Variants in TNIK observed in about 807,000 individuals in gnomAD.
TNIK encodes the protein TRAF2 and NCK interacting kinase.
In TNIK, 49 loss-of-function variants were observed where a neutral mutation model predicts 191.3. The ratio of observed to expected loss-of-function variants is 0.26; its 90% CI spans 0.20 to 0.32. The LOEUF (loss-of-function observed/expected upper bound fraction) is 0.32, where lower values mean the gene tolerates loss of function less well. TNIK is among the 10% of genes least tolerant of loss of function. The pLI, the probability that TNIK is intolerant of heterozygous loss-of-function variation, is 1.00. For missense variants in TNIK, 1,155 were observed against 1,702.3 expected, an observed-to-expected ratio of 0.68 and a Z score of 5.66; for synonymous variants, 594 against 600.9, an observed-to-expected ratio of 0.99 and a Z score of 0.17.
intron 2 of TNIK, among the ~76,000 whole-genome samples, chr3:171,363,020 G>C (rs534500665): frequency 1.3e-5 from 2 of 152,270 alleles, no homozygotes; most frequent in Admixed American, 1.3e-4. Flanking sequence ...TAAGAGTTTT[G>C]CCATTCTGTG....
At chr3:171,354,470 GAC>G (rs753353756) in intron 2 of TNIK, among the ~76,000 whole-genome samples, 10 of 152,142 alleles carry the variant, frequency 6.6e-5, no homozygotes, top group Non-Finnish European at 1.3e-4. Flanking sequence ...GGACTCGGCT[GAC>G]ACAAGACTAA....
intron 2 of TNIK, among the ~76,000 whole-genome samples, chr3:171,228,665 C>T (rs1487563501): frequency 6.6e-6 from 1 of 152,150 alleles, no homozygotes; most frequent in African/African-American, 2.4e-5. Flanking sequence ...CTATAATTCA[C>T]CTGAGATTGT....
At chr3:171,157,750 A>G (rs1318346049) in intron 11 of TNIK, 86 bp from the exon 12 acceptor site, 2 of 1,330,574 alleles carry the variant, frequency 1.5e-6, no homozygotes, top group East Asian at 2.5e-5. Flanking sequence ...AGCGGGACAA[A>G]TGATTCACCC....
chr3:171,201,011 T>C lies in TNIK; in HGVS notation c.307-6376A>G, dbSNP rs1739335786. Reference sequence around the variant, plus strand: ...TTCTCTTTTATGGTAAAAGGAGGGGTTGGAGGCAGGGGGCAGGAAGAGGTG... The same window carrying C: ...TTCTCTTTTATGGTAAAAGGAGGGGCTGGAGGCAGGGGGCAGGAAGAGGTG... On this transcript the variant is annotated intron_variant, in intron 4 of 32. Coordinates refer to ENST00000436636, the MANE Select transcript of TNIK (RefSeq NM_015028.4). 2.0e-5 allele frequency among the ~76,000 whole-genome samples: 3 copies of C among 151,526 alleles called. No individual in the cohort carries two copies. In the South Asian group the frequency reaches 6.3e-4, roughly 32 times the overall value.
chr3:171,165,817 G>A (rs949388000), intron 10 of TNIK, among the ~76,000 whole-genome samples: 2 of 152,034 alleles, frequency 1.3e-5, no homozygotes, highest in African/African-American at 4.8e-5. Flanking sequence ...GCCTTTCACT[G>A]CTATCCTCCC....
intron 1 of TNIK, among the ~76,000 whole-genome samples, chr3:171,388,114 A>C (rs1247615363): frequency 1.3e-5 from 2 of 152,278 alleles, no homozygotes; most frequent in East Asian, 3.9e-4. Flanking sequence ...GCCTGTATGT[A>C]TTTTGGTGAT....
intron 1 of TNIK, among the ~76,000 whole-genome samples, chr3:171,453,435 T>TG (rs1577991443): frequency 6.6e-6 from 1 of 151,882 alleles, no homozygotes; most frequent in East Asian, 1.9e-4. Context: ...AGAGCATCCA[T>TG]GGGGGAATGA....
chr3:171,264,809 G>T (rs1241542156), intron 2 of TNIK, among the ~76,000 whole-genome samples: 1 of 152,206 alleles, frequency 6.6e-6, no homozygotes, highest in African/African-American at 2.4e-5. Context: ...AGGGGATCTT[G>T]GAGATACATT....
At chr3:171,226,271 A>C (rs371913337) in intron 3 of TNIK, among the ~76,000 whole-genome samples, 14 of 152,162 alleles carry the variant, frequency 9.2e-5, no homozygotes, top group Admixed American at 3.3e-4. Context: ...GGAAGTAGAA[A>C]ATATTTCACT....
intron 11 of TNIK, among the ~76,000 whole-genome samples, chr3:171,158,305 G>A (rs1306116277): frequency 6.6e-6 from 1 of 152,226 alleles, no homozygotes; most frequent in Non-Finnish European, 1.5e-5. Flanking sequence ...GTGCAGCTAG[G>A]ACTTCAACCC....
chr3:171,311,133 CAGAG>C (rs140290391), intron 2 of TNIK, among the ~76,000 whole-genome samples: 17 of 151,390 alleles, frequency 1.1e-4, no homozygotes, highest in African/African-American at 2.4e-4. Context: ...CACAGTATAG[CAGAG>C]AGAGAGAGAG....
rs539737500 is a variant in TNIK at position 171,248,994 on chromosome 3, G to A, written c.124-20773C>T. 6.6e-5 allele frequency among the ~76,000 whole-genome samples: 10 copies of A among 152,322 alleles called. No individual in the cohort carries two copies. In the South Asian group the frequency reaches 1.7e-3, roughly 25 times the overall value. On this transcript the variant is annotated intron_variant, in intron 2 of 32. Coordinates refer to ENST00000436636, the MANE Select transcript of TNIK (RefSeq NM_015028.4). ...AGGACGACGTTATAAATGAAAGAAA[G>A]CTATCAATCTGACTTAAAATGCAAG...
intron 32 of TNIK, among the ~76,000 whole-genome samples, 166 bp downstream of exon 32, chr3:171,066,021 A>G (rs1184716673): frequency 2.0e-5 from 3 of 152,236 alleles, no homozygotes; most frequent in African/African-American, 7.2e-5. Context: ...TGTGAATAAT[A>G]TATTGAGTGC....
At chr3:171,275,822 G>A (rs111750972) in intron 2 of TNIK, among the ~76,000 whole-genome samples, 6,557 of 152,056 alleles carry the variant, frequency 0.043, 422 homozygotes, top group African/African-American at 0.15. Flanking sequence ...GTGTGAACCC[G>A]GGAGGCGGAG....
At chr3:171,189,700 T>C (rs1395865007) in intron 6 of TNIK, among the ~76,000 whole-genome samples, 1 of 152,196 alleles carries the variant, frequency 6.6e-6, no homozygotes, top group Non-Finnish European at 1.5e-5. Context: ...TTATGAGAGA[T>C]AATCTATAGA....
intron 5 of TNIK, among the ~76,000 whole-genome samples, chr3:171,193,509 A>G (rs963990916): frequency 3.3e-5 from 5 of 152,218 alleles, no homozygotes; most frequent in African/African-American, 1.2e-4. Flanking sequence ...TTTTCAGGAT[A>G]GAAGTCATTC....
chr3:171,245,904 G>C (rs1036982150), intron 2 of TNIK, among the ~76,000 whole-genome samples: 4 of 152,308 alleles, frequency 2.6e-5, no homozygotes, highest in Non-Finnish European at 4.4e-5. Context: ...AAATAAGAGA[G>C]AGAGAAAGAG....
In TNIK at chr3:171,254,988, T is replaced by C. The variant is rs370608914; in HGVS notation, c.124-26767A>G. On this transcript the variant is annotated intron_variant, in intron 2 of 32. Coordinates refer to ENST00000436636, the MANE Select transcript of TNIK (RefSeq NM_015028.4). ...GGATTTAGCATGTAGATTAATCATA[T>C]GGCTTTTCCAAAGATTCAAAATTTT... 6.6e-4 allele frequency among the ~76,000 whole-genome samples: 101 copies of C among 152,358 alleles called. 1 individual carries two copies. In the South Asian group the frequency reaches 0.021, roughly 31 times the overall value.
intron 14 of TNIK, 134 bp from the exon 15 acceptor site, chr3:171,138,513 C>G: frequency 1.3e-6 from 1 of 799,422 alleles, no homozygotes; most frequent in African/African-American, 1.8e-5. Flanking sequence ...AACAGAATGA[C>G]AGAAGGATGT....
Sources: allele counts gnomAD v4.1 joint callset (sites outside exome capture counted in the v4.1 genomes callset), GRCh38; gene constraint gnomAD v4.1.1; transcripts MANE v1.5; gene names NCBI Gene and HGNC (gene_info 2026-07-23, HGNC 2026-07-21).